Variants in CNKSR3 observed in about 807,000 individuals in gnomAD.
CNKSR3 encodes connector enhancer of kinase suppressor of ras 3.
Under a neutral mutation model 67.7 loss-of-function variants are expected in CNKSR3, and 36 were observed. The ratio of observed to expected loss-of-function variants is 0.53; its 90% CI spans 0.41 to 0.70. The LOEUF (loss-of-function observed/expected upper bound fraction) is 0.70. Among genes scored for constraint, CNKSR3 ranks in the 30% least tolerant of loss-of-function variants. The probability of loss-of-function intolerance (pLI) is 0.00; values close to 1 mark genes in which losing one functional copy is unlikely to be tolerated. For missense variants in CNKSR3, 630 were observed against 695.2 expected, an observed-to-expected ratio of 0.91 and a Z score of 1.05; for synonymous variants, 281 against 271.4, an observed-to-expected ratio of 1.04 and a Z score of -0.35.
chr6:154,411,433 G>A (rs1784909003), intron 10 of CNKSR3, among the ~76,000 whole-genome samples: 1 of 152,102 alleles, frequency 6.6e-6, no homozygotes, highest in Non-Finnish European at 1.5e-5. Context: ...GATCACCTGA[G>A]GTCAGGAGTT....
intron 1 of CNKSR3, among the ~76,000 whole-genome samples, chr6:154,477,476 AT>A (rs11342441): frequency 0.32 from 46,421 of 147,056 alleles, 7,313 homozygotes; most frequent in African/African-American, 0.38. Flanking sequence ...AAGCCCAGCA[AT>A]TTTTTTTTTT....
At chr6:154,443,982 C>T (rs1432848242) in intron 2 of CNKSR3, among the ~76,000 whole-genome samples, 1 of 152,122 alleles carries the variant, frequency 6.6e-6, no homozygotes, top group Admixed American at 6.5e-5. Flanking sequence ...TCCTAGACTC[C>T]TTTTCAGAGA....
chr6:154,480,715 C>A (rs1207542924), intron 1 of CNKSR3, among the ~76,000 whole-genome samples: 1 of 152,178 alleles, frequency 6.6e-6, no homozygotes, highest in Non-Finnish European at 1.5e-5. Flanking sequence ...AGAAGATATA[C>A]CACGTTCTTG....
chr6:154,508,029 G>A (rs765186738), intron 1 of CNKSR3, among the ~76,000 whole-genome samples: 1 of 151,664 alleles, frequency 6.6e-6, no homozygotes, highest in Non-Finnish European at 1.5e-5. Context: ...CTTCCTGTGC[G>A]CCTGTTACCA....
chr6:154,438,460 T>C (rs1371056701), intron 4 of CNKSR3, among the ~76,000 whole-genome samples: 1 of 152,160 alleles, frequency 6.6e-6, no homozygotes. Flanking sequence ...TTTTTTGCCT[T>C]TTTTCTTTTT....
Position 154,403,484 on chromosome 6 carries a change from T to C in CNKSR3, c.*2870A>G, listed in dbSNP as rs1021906165. 3 of 152,080 alleles carry C rather than the reference T, an allele frequency of 2.0e-5. No homozygotes were observed. Among genetic ancestry groups the C allele is most frequent in the Non-Finnish European group, 4.4e-5 (3 of 68,028 alleles). 9.4% of individuals were successfully genotyped at this position (152,080 alleles called of 1,614,324 possible). ...AAAAGCATCATCAAGCAACTTCATA[T>C]GTGAACACACGTCCACAATTAAACC... On this transcript the variant is annotated 3_prime_UTR_variant, in exon 13 of 13. Transcript: ENST00000607772.
chr6:154,470,183 CTTTCCTTTTT>C lies in CNKSR3; in HGVS notation c.53-19935_53-19926del, dbSNP rs1204856667. Among the ~76,000 whole-genome samples, 38 of 108,272 alleles carry C rather than the reference CTTTCCTTTTT, an allele frequency of 3.5e-4. 2 individuals are homozygous for C. Among genetic ancestry groups the C allele is most frequent in the East Asian group, 3.4e-3 (12 of 3,482 alleles). The allele number at this position is 108,272 out of a possible 152,430, so 71.0% of individuals were successfully genotyped here. A position where few individuals can be genotyped will look rare whatever the true frequency, so the allele number is the denominator to read the frequency against. On this transcript the variant is annotated intron_variant, in intron 1 of 12. Transcript: ENST00000607772. ...ACTCCTGTAATAAAGAACCTACTTT[CTTTCCTTTTT>C]TTTTTTTTTTTTTTTTTTTTTTTTT...
At chr6:154,503,795 T>C (rs1466652535) in intron 1 of CNKSR3, among the ~76,000 whole-genome samples, 1 of 152,214 alleles carries the variant, frequency 6.6e-6, no homozygotes, top group African/African-American at 2.4e-5. Flanking sequence ...TTTTTTACTT[T>C]AATTAGTGGC....
At chr6:154,465,554 C>T (rs966768355) in intron 1 of CNKSR3, among the ~76,000 whole-genome samples, 1 of 152,070 alleles carries the variant, frequency 6.6e-6, no homozygotes, top group Non-Finnish European at 1.5e-5. Context: ...ACAGCCTCGC[C>T]GAGCCTGGCT....
Position 154,442,226 on chromosome 6 carries a change from T to A in CNKSR3, c.281A>T (p.Asn94Ile). Residue 94 changes from asparagine (N) to isoleucine (I), a missense_variant, in exon 3 of 13, where the codon AAT becomes ATT. By Grantham distance (149) the Asn-to-Ile change is moderately radical (BLOSUM62 -3). Transcript: ENST00000607772. ...LVLKLRASSH[N>I]LQNYISSRRK... ...TCGGCTACTTATGTAATTCTGTAAA[T>A]TGTGGGAAGATGCTCTCAGTTTCAG... 1 of 1,614,158 alleles carries A rather than the reference T, an allele frequency of 6.2e-7. No individual in the cohort carries two copies. The highest frequency in any genetic ancestry group is 8.5e-7 in the Non-Finnish European group (1 of 1,180,022).
chr6:154,454,918 T>C (rs1785919906), intron 1 of CNKSR3, among the ~76,000 whole-genome samples: 1 of 152,148 alleles, frequency 6.6e-6, no homozygotes, highest in Non-Finnish European at 1.5e-5. Context: ...TGTTATTACC[T>C]TTCCCAGAAC....
intron 7 of CNKSR3, among the ~76,000 whole-genome samples, chr6:154,427,268 C>G (rs749190069): frequency 1.4e-4 from 22 of 152,188 alleles, no homozygotes; most frequent in Non-Finnish European, 2.9e-4. Context: ...GATCTAGCAT[C>G]TGAAGCTCAA....
rs559611501 is a variant in CNKSR3 at position 154,506,361 on chromosome 6, A to G, written c.52+3702T>C. 5.1e-4 allele frequency among the ~76,000 whole-genome samples: 78 copies of G among 152,318 alleles called. 1 individual carries two copies. Among genetic ancestry groups the G allele is most frequent in the Admixed American group, 2.6e-4 (4 of 15,302 alleles). Reference sequence around the variant, plus strand: ...AGGAAAGAGAAAGAAGAAAAGAAACAAAAGAAGGAAAAAGAAAGAAATTAC... The same window carrying G: ...AGGAAAGAGAAAGAAGAAAAGAAACGAAAGAAGGAAAAAGAAAGAAATTAC... On this transcript the variant is annotated intron_variant, in intron 1 of 12. Transcript: ENST00000607772.
rs533292962 is a variant in CNKSR3, at chr6:154,497,993, G to A, written c.52+12070C>T. Among the ~76,000 whole-genome samples the A allele has an allele frequency of 2.0e-4, 30 of 152,260 alleles. No individual in the cohort carries two copies. The South Asian group carries it at 5.6e-3, about 28-fold the overall frequency. ...GCAAACACAAACAGCTCCCATCAGA[G>A]GCCAATATTATATAGCCACTATGGG... On this transcript the variant is annotated intron_variant, in intron 1 of 12. Transcript: ENST00000607772.
At chr6:154,408,785 T>G (rs73790962) in intron 12 of CNKSR3, among the ~76,000 whole-genome samples, 1 of 152,138 alleles carries the variant, frequency 6.6e-6, no homozygotes, top group Admixed American at 6.5e-5. Flanking sequence ...AAGAGTTATA[T>G]CTCAATAAAA....
In CNKSR3 at chr6:154,443,486, AC is replaced by A. The variant is rs148747433; in HGVS notation, c.217-1197del. Among the ~76,000 whole-genome samples the A allele has an allele frequency of 6.9e-3, 1,049 of 151,422 alleles. 14 individuals carry two copies. The highest frequency in any genetic ancestry group is 0.024 in the African/African-American group (1,004 of 41,184). On this transcript the variant is annotated intron_variant, in intron 2 of 12. Transcript: ENST00000607772. ...CCTTCGATTCACTCTCTAGCCCATC[AC>A]CCACTTCTGCCCCATCTGAAGCACC...
chr6:154,502,866 G>T (rs1200759191), intron 1 of CNKSR3, among the ~76,000 whole-genome samples: 1 of 152,146 alleles, frequency 6.6e-6, no homozygotes, highest in African/African-American at 2.4e-5. Context: ...GAACGCTCAG[G>T]TCCGGGAGCT....
At chr6:154,493,445 T>A (rs1786819788) in intron 1 of CNKSR3, among the ~76,000 whole-genome samples, 1 of 152,230 alleles carries the variant, frequency 6.6e-6, no homozygotes, top group African/African-American at 2.4e-5. Context: ...GAACAGTGCA[T>A]GGCACACAGA....
Position 154,393,195 on chromosome 6 carries a change from T to TGG in CNKSR3, c.*13158_*13159insCC, listed in dbSNP as rs1784626232. The TGG allele has an allele frequency of 6.6e-6, 1 of 152,282 alleles. No individual in the cohort carries two copies. Among genetic ancestry groups the TGG allele is most frequent in the South Asian group, 2.1e-4 (1 of 4,828 alleles). 9.4% of individuals were successfully genotyped at this position (152,282 alleles called of 1,614,324 possible). A position where few individuals can be genotyped will look rare whatever the true frequency, so the allele number is the denominator to read the frequency against. On this transcript the variant is annotated 3_prime_UTR_variant, in exon 13 of 13. Coordinates refer to ENST00000607772, the MANE Select transcript of CNKSR3 (RefSeq NM_173515.4). ...TCCCAAAGTGCTGGGATTGTAGGTG[T>TGG]GAGCCACTGCACCCACCTACTTAGT... is the stretch of plus-strand genomic sequence containing the variant.
Sources: allele counts gnomAD v4.1 joint callset (sites outside exome capture counted in the v4.1 genomes callset), GRCh38; gene constraint gnomAD v4.1.1; transcripts MANE v1.5; gene names NCBI Gene and HGNC (gene_info 2026-07-23, HGNC 2026-07-21).